The following ROBO2 variants were observed in gnomAD, a reference collection of about 807,000 sequenced individuals.
The protein encoded by ROBO2 is roundabout guidance receptor 2.
Under a neutral mutation model 160.8 loss-of-function variants are expected in ROBO2, and 53 were observed. That is an observed-to-expected ratio of 0.33 (90% CI 0.26 to 0.41). ROBO2 has a LOEUF of 0.41. Among genes scored for constraint, ROBO2 ranks in the 10% least tolerant of loss-of-function variants. The probability of loss-of-function intolerance (pLI) is 1.00; values close to 1 mark genes in which losing one functional copy is unlikely to be tolerated. For missense variants in ROBO2, 1,577 were observed against 1,722.4 expected (o/e 0.92, Z 1.49); for synonymous variants, 664 against 611.7 (o/e 1.09, Z -1.26).
At position 76,149,712 on chromosome 3, in the gene ROBO2, ATCTG is replaced by A. The variant is rs1391870222; in HGVS notation, c.109+212114_109+212117del. Among the ~76,000 whole-genome samples the A allele has an allele frequency of 3.4e-4, 41 of 121,016 alleles. 2 individuals are homozygous for A. Among genetic ancestry groups the A allele is most frequent in the African/African-American group, 1.1e-3 (39 of 36,106 alleles). 79.4% of individuals were successfully genotyped at this position (121,016 alleles called of 152,430 possible). A position where few individuals can be genotyped will look rare whatever the true frequency, so the allele number is the denominator to read the frequency against. On this transcript the variant is annotated intron_variant, in intron 2 of 26. Transcript: ENST00000487694. ...AAAACACACATCTGTTTAAAGCACA[ATCTG>A]TCTAAAACACACATCTGTCTAAAGC...
intron 2 of ROBO2, among the ~76,000 whole-genome samples, chr3:76,779,484 C>T (rs748220382): frequency 1.3e-5 from 2 of 150,838 alleles, no homozygotes; most frequent in Non-Finnish European, 3.0e-5. Context: ...AAACTTTGCA[C>T]CCCTTAAACA....
chr3:77,396,516 A>G (rs1423018910), intron 2 of ROBO2, among the ~76,000 whole-genome samples: 1 of 152,166 alleles, frequency 6.6e-6, no homozygotes, highest in African/African-American at 2.4e-5. Context: ...ACTGAGGACA[A>G]TTATGCAGAA....
At chr3:76,446,052 G>A (rs372794910) in intron 2 of ROBO2, among the ~76,000 whole-genome samples, 45 of 152,180 alleles carry the variant, frequency 3.0e-4, no homozygotes, top group Non-Finnish European at 4.4e-5. Context: ...CAATCAGGCA[G>A]GAGAAAGAAA....
In ROBO2 at chr3:77,481,446, G is replaced by T. The variant is rs191290825; in HGVS notation, c.667+227G>T. 1.9e-3 allele frequency among the ~76,000 whole-genome samples: 289 copies of T among 152,254 alleles called. 4 individuals are homozygous for T. The highest frequency in any genetic ancestry group is 6.5e-3 in the African/African-American group (269 of 41,558). ...ACTTACATTGTTCATGTATTTGTAA[G>T]ATTTTGCAGTTCATCAAAATGTAAC... On this transcript the variant is annotated intron_variant, in intron 4 of 25. Transcript: ENST00000461745.
intron 2 of ROBO2, among the ~76,000 whole-genome samples, chr3:76,573,194 C>CT (rs1355469060): frequency 2.0e-5 from 3 of 152,002 alleles, no homozygotes; most frequent in Non-Finnish European, 4.4e-5. Flanking sequence ...GATCTCAATT[C>CT]TTTTTTTGTA....
intron 2 of ROBO2, among the ~76,000 whole-genome samples, chr3:77,413,681 C>T (rs2076982125): frequency 6.6e-6 from 1 of 152,084 alleles, no homozygotes; most frequent in Non-Finnish European, 1.5e-5. Flanking sequence ...GGTGTATTTT[C>T]AAATCAAAAC....
intron 2 of ROBO2, among the ~76,000 whole-genome samples, chr3:76,582,025 G>T (rs2085734799): frequency 6.6e-6 from 1 of 152,130 alleles, no homozygotes; most frequent in Non-Finnish European, 1.5e-5. Flanking sequence ...CTTGGTGATT[G>T]ATGGGACATG....
intron 2 of ROBO2, among the ~76,000 whole-genome samples, chr3:76,353,923 T>C (rs1017169797): frequency 4.0e-5 from 6 of 151,866 alleles, no homozygotes; most frequent in African/African-American, 1.4e-4. Flanking sequence ...GGGCTGCAAT[T>C]CTTGTGACCA....
chr3:77,118,293 T>C (rs754578053), intron 2 of ROBO2, among the ~76,000 whole-genome samples: 35 of 152,182 alleles, frequency 2.3e-4, no homozygotes, highest in Admixed American at 7.9e-4. Context: ...TAATTTAGAT[T>C]GGGCTGAAAA....
At chr3:76,978,596 A>G (rs139568242) in intron 2 of ROBO2, among the ~76,000 whole-genome samples, 21 of 152,252 alleles carry the variant, frequency 1.4e-4, no homozygotes, top group African/African-American at 5.1e-4. Flanking sequence ...TTTTGGACTT[A>G]AAAATGAAAG....
intron 2 of ROBO2, among the ~76,000 whole-genome samples, chr3:76,709,087 T>C (rs1428795377): frequency 1.3e-5 from 2 of 152,172 alleles, no homozygotes; most frequent in African/African-American, 4.8e-5. Flanking sequence ...ATATCCTAAA[T>C]CTGAGCTCTC....
chr3:76,454,433 C>A (rs554832303), intron 2 of ROBO2, among the ~76,000 whole-genome samples: 1 of 152,212 alleles, frequency 6.6e-6, no homozygotes, highest in Non-Finnish European at 1.5e-5. Context: ...TGTAGGAAAT[C>A]CAGGCATCTG....
intron 2 of ROBO2, among the ~76,000 whole-genome samples, chr3:76,047,083 A>G (rs978231302): frequency 6.6e-6 from 1 of 152,202 alleles, no homozygotes; most frequent in Non-Finnish European, 1.5e-5. Flanking sequence ...TAGGATCTCT[A>G]TCGATGCTGT....
chr3:77,510,026 G>A (rs1427457067), intron 5 of ROBO2, among the ~76,000 whole-genome samples: 3 of 151,950 alleles, frequency 2.0e-5, no homozygotes, highest in Non-Finnish European at 4.4e-5. Context: ...GAGACAGCCC[G>A]AGAATTCTGG....
chr3:77,292,284 C>G (rs890865468), intron 2 of ROBO2, among the ~76,000 whole-genome samples: 8 of 149,808 alleles, frequency 5.3e-5, no homozygotes, highest in African/African-American at 1.7e-4. Context: ...GCTAGATCAC[C>G]CAGACATAAA....
intron 2 of ROBO2, among the ~76,000 whole-genome samples, chr3:76,445,570 G>C (rs932916999): frequency 6.6e-6 from 1 of 152,026 alleles, no homozygotes; most frequent in African/African-American, 2.4e-5. Flanking sequence ...ACCAAAGCCT[G>C]GCAGAGACAC....
chr3:76,809,867 A>G (rs1383050896), intron 2 of ROBO2, among the ~76,000 whole-genome samples: 1 of 152,124 alleles, frequency 6.6e-6, no homozygotes, highest in East Asian at 1.9e-4. Context: ...TTAATGGCAG[A>G]ATACAAAATT....
intron 2 of ROBO2, among the ~76,000 whole-genome samples, chr3:77,263,261 G>A (rs1284154306): frequency 6.6e-6 from 1 of 152,096 alleles, no homozygotes; most frequent in African/African-American, 2.4e-5. Context: ...ATATTTTTAA[G>A]TTTTATTTTA....
chr3:76,161,612 G>T (rs1403379843), intron 2 of ROBO2, among the ~76,000 whole-genome samples: 2 of 152,014 alleles, frequency 1.3e-5, no homozygotes, highest in Non-Finnish European at 2.9e-5. Context: ...TTTCTCTTCT[G>T]GTTCTCTTTT....
Sources: gnomAD v4.1 joint callset for allele counts (sites outside exome capture counted in the v4.1 genomes callset) on GRCh38, gnomAD v4.1.1 for gene constraint, MANE v1.5 for transcripts, NCBI Gene and HGNC (gene_info 2026-07-23, HGNC 2026-07-21) for gene names.